The following AKAP9 variants were observed in gnomAD, a reference collection of about 807,000 sequenced individuals.
AKAP9 encodes A-kinase anchoring protein 9.
A neutral mutation model predicts 488.5 loss-of-function variants in AKAP9; 311 were observed. The observed-to-expected ratio is 0.64, with a 90% CI of 0.58 to 0.70. The LOEUF is 0.70. Among genes scored for constraint, AKAP9 ranks in the 30% least tolerant of loss-of-function variants. AKAP9 has a pLI of 0.00. For synonymous variants in AKAP9, 1,462 were observed against 1,483.5 expected (o/e 0.99, Z 0.33); for missense variants, 4,215 against 4,374.5 (o/e 0.96, Z 1.03).
Position 91,963,482 on chromosome 7 carries a change from TCACACACACACACA to T in AKAP9, c.49-10196_49-10183del, listed in dbSNP as rs56800758. Reference sequence around the variant, plus strand: ...TGTTATTCTGTAGATAACATATTTGTCACACACACACACACACACACACACACACACACACACAC... The same window carrying T: ...TGTTATTCTGTAGATAACATATTTGTCACACACACACACACACACACACAC... On this transcript the variant is annotated intron_variant, in intron 1 of 49. Coordinates refer to ENST00000356239, the MANE Select transcript of AKAP9 (RefSeq NM_005751.5). 2.7e-4 allele frequency among the ~76,000 whole-genome samples: 37 copies of T among 139,316 alleles called. 1 individual carries two copies. The highest frequency in any genetic ancestry group is 5.0e-4 in the South Asian group (2 of 4,034). 91.4% of individuals were successfully genotyped at this position (139,316 alleles called of 152,430 possible). A position where few individuals can be genotyped will look rare whatever the true frequency, so the allele number is the denominator to read the frequency against.
At chr7:91,990,520 T>C (rs890084877) in intron 3 of AKAP9, among the ~76,000 whole-genome samples, 4 of 152,182 alleles carry the variant, frequency 2.6e-5, no homozygotes, top group Non-Finnish European at 4.4e-5. Flanking sequence ...AACATAAATA[T>C]GTTTTGAAAC....
chr7:92,102,549 A>G (rs750762114), intron 45 of AKAP9, 45 bp from the exon 46 acceptor site: 1 of 1,551,960 alleles, frequency 6.4e-7, no homozygotes. Context: ...GAGCAGGGTG[A>G]ATGTTTTCTT....
In AKAP9 at chr7:92,089,373, C is replaced by T; in HGVS notation, c.9214-12C>T. The T allele has an allele frequency of 6.2e-7, 1 of 1,611,202 alleles. No individual in the cohort carries two copies. Among genetic ancestry groups the T allele is most frequent in the Non-Finnish European group, 8.5e-7 (1 of 1,179,464 alleles). ...TTGCTCTTCACTTGTTTTTTACCTTCCTTTGTTACAGGGTGTTGAATATCA... is the reference window on the plus strand; with the variant it reads ...TTGCTCTTCACTTGTTTTTTACCTTTCTTTGTTACAGGGTGTTGAATATCA... On this transcript the variant is annotated splice_polypyrimidine_tract_variant and intron_variant, in intron 37 of 49. Transcript: ENST00000356239.
intron 2 of AKAP9, among the ~76,000 whole-genome samples, chr7:91,977,561 A>C (rs754035314): frequency 6.6e-6 from 1 of 152,240 alleles, no homozygotes; most frequent in Non-Finnish European, 1.5e-5. Context: ...GTCTCAAAAA[A>C]AGAAAAAACC....
chr7:92,096,853 TC>T lies in AKAP9; in HGVS notation c.9895del (p.Gln3299ArgfsTer14), dbSNP rs761075802. ...AAGAACAAGGTCGAAACTTAGAGCT[TC>T]AGGTACTTCTTGAATCTGAGAAAGT... Reference protein sequence around the residue: ...SEEQGRNLELQVLLESEKVRI... With the variant: ...SEEQGRNLELXVLLESEKVRI... On this transcript the variant is annotated frameshift_variant, in exon 41 of 50. Coordinates refer to ENST00000356239, the MANE Select transcript of AKAP9 (RefSeq NM_005751.5). LOFTEE classifies it high-confidence loss of function. 1 of 1,614,160 alleles carries T rather than the reference TC, an allele frequency of 6.2e-7. No homozygotes were observed. Among genetic ancestry groups the T allele is most frequent in the Non-Finnish European group, 8.5e-7 (1 of 1,180,038 alleles).
At chr7:91,963,610 C>G (rs1436180321) in intron 1 of AKAP9, among the ~76,000 whole-genome samples, 1 of 152,030 alleles carries the variant, frequency 6.6e-6, no homozygotes, top group Non-Finnish European at 1.5e-5. Context: ...CTCCGCCTCC[C>G]GGATTCACAC....
intron 49 of AKAP9, chr7:92,109,064 AAG>A: frequency 3.6e-6 from 1 of 281,534 alleles, no homozygotes; most frequent in Non-Finnish European, 6.8e-6. Context: ...AAAAAAAAAA[AAG>A]AAAGTGGTAA....
intron 17 of AKAP9, among the ~76,000 whole-genome samples, chr7:92,039,941 C>T (rs1394687666): frequency 1.3e-5 from 2 of 152,164 alleles, no homozygotes; most frequent in African/African-American, 4.8e-5. Flanking sequence ...TGCCACTGCA[C>T]TCCAGCCTGG....
intron 1 of AKAP9, among the ~76,000 whole-genome samples, chr7:91,943,711 G>T (rs1791083169): frequency 6.6e-6 from 1 of 152,134 alleles, no homozygotes; most frequent in South Asian, 2.1e-4. Context: ...ATACATATTT[G>T]CTTAATGAAT....
intron 1 of AKAP9, among the ~76,000 whole-genome samples, chr7:91,951,336 A>AT (rs1377002422): frequency 2.9e-5 from 4 of 138,016 alleles, no homozygotes; most frequent in Non-Finnish European, 6.3e-5. Flanking sequence ...CTTTTCTTTC[A>AT]TTTTTTGAGA....
chr7:92,005,660 C>T (rs1266922828), intron 8 of AKAP9, among the ~76,000 whole-genome samples: 2 of 151,854 alleles, frequency 1.3e-5, no homozygotes, highest in Admixed American at 6.6e-5. Context: ...AATTGCTTAA[C>T]GATTTTTTTG....
intron 20 of AKAP9, chr7:92,043,244 T>C (rs1296995511): frequency 7.6e-6 from 5 of 660,898 alleles, no homozygotes; most frequent in Non-Finnish European, 9.4e-6. Context: ...TTTCTGTGAC[T>C]GTCAACCCTC....
At chr7:91,978,163 A>C (rs2130579938) in intron 2 of AKAP9, among the ~76,000 whole-genome samples, 1 of 148,254 alleles carries the variant, frequency 6.7e-6, no homozygotes, top group East Asian at 2.0e-4. Context: ...AATTGCTTGA[A>C]CCTGGGAGGC....
chr7:91,980,125 T>C (rs1001768594), intron 2 of AKAP9, among the ~76,000 whole-genome samples, 164 bp from the exon 3 acceptor site: 2 of 152,224 alleles, frequency 1.3e-5, no homozygotes, highest in East Asian at 3.8e-4. Flanking sequence ...CATTGTTATT[T>C]ATAATTAAAT....
At chr7:91,993,552 C>T (rs28606023) in intron 5 of AKAP9, among the ~76,000 whole-genome samples, 4 of 152,046 alleles carry the variant, frequency 2.6e-5, no homozygotes, top group Non-Finnish European at 5.9e-5. Context: ...CTTGAGCCCA[C>T]GAGTTCAAGT....
At chr7:92,078,298 C>T (rs1404001258) in intron 30 of AKAP9, among the ~76,000 whole-genome samples, 1 of 129,308 alleles carries the variant, frequency 7.7e-6, no homozygotes, top group Non-Finnish European at 1.7e-5. Context: ...ACGCCTGGCC[C>T]AATTCTCTTT....
Position 92,084,941 on chromosome 7 carries a change from G to T in AKAP9, c.8832+1G>T. 6.2e-7 allele frequency: 1 copy of T among 1,612,540 alleles called. No homozygotes were observed. Among genetic ancestry groups the T allele is most frequent in the South Asian group, 1.1e-5 (1 of 90,852 alleles). On this transcript the variant is annotated splice_donor_variant, in intron 35 of 49. Coordinates refer to ENST00000356239, the MANE Select transcript of AKAP9 (RefSeq NM_005751.5). LOFTEE classifies it high-confidence loss of function. ...AGATTCCTTTCCAAAGAAAATAAAG[G>T]TACTAAAAGATAGATACCTTTTATT...
intron 24 of AKAP9, among the ~76,000 whole-genome samples, chr7:92,063,071 G>A (rs538191453): frequency 2.3e-5 from 3 of 130,806 alleles, no homozygotes; most frequent in African/African-American, 6.1e-5. Context: ...GTCAGTCTTG[G>A]TAATGATGGA....
At chr7:92,089,179 A>C (rs541332456) in intron 37 of AKAP9, among the ~76,000 whole-genome samples, 151 of 152,286 alleles carry the variant, frequency 9.9e-4, no homozygotes, top group Non-Finnish European at 1.8e-3. Context: ...TTCTTGTTTT[A>C]AGGAAATACA....
Sources: gnomAD v4.1 joint callset for allele counts (sites outside exome capture counted in the v4.1 genomes callset) on GRCh38, gnomAD v4.1.1 for gene constraint, MANE v1.5 for transcripts, NCBI Gene and HGNC (gene_info 2026-07-23, HGNC 2026-07-21) for gene names.